FLRT1: variants seen among roughly 807,000 people sequenced by gnomAD.
FLRT1 encodes the protein leucine-rich repeat transmembrane protein FLRT1.
A neutral mutation model predicts 30.9 loss-of-function variants in FLRT1; 14 were observed. The observed-to-expected ratio is 0.45, with a 90% CI of 0.30 to 0.71. The LOEUF is 0.71. FLRT1 is among the 30% of genes least tolerant of loss of function. The pLI, the probability that FLRT1 is intolerant of heterozygous loss-of-function variation, is 0.08. For synonymous variants in FLRT1, 368 were observed against 430.4 expected, an observed-to-expected ratio of 0.85 and a Z score of 1.80; for missense variants, 737 against 949.2, an observed-to-expected ratio of 0.78 and a Z score of 2.94.
intron 1 of FLRT1, among the ~76,000 whole-genome samples, chr11:64,075,041 G>T (rs944524990): frequency 6.6e-6 from 1 of 152,254 alleles, no homozygotes; most frequent in Non-Finnish European, 1.5e-5. Flanking sequence ...AGCCACCTGT[G>T]TGCGGACAGG....
At chr11:64,089,127 C>T (rs1423994056) in intron 1 of FLRT1, among the ~76,000 whole-genome samples, 1 of 152,218 alleles carries the variant, frequency 6.6e-6, no homozygotes, top group Non-Finnish European at 1.5e-5. Flanking sequence ...GGCAGGAGCC[C>T]AGGAGCCCGC....
intron 1 of FLRT1, among the ~76,000 whole-genome samples, chr11:64,076,811 A>G (rs1181254956): frequency 1.3e-5 from 2 of 152,132 alleles, no homozygotes; most frequent in Non-Finnish European, 2.9e-5. Flanking sequence ...CGTCCCTCCT[A>G]CTGCGTGAGC....
At chr11:64,098,716 C>T (rs1014204661) in intron 1 of FLRT1, among the ~76,000 whole-genome samples, 5 of 152,192 alleles carry the variant, frequency 3.3e-5, no homozygotes, top group Non-Finnish European at 7.3e-5. Flanking sequence ...TCTCCTAGCT[C>T]GCACCAGCTC....
chr11:64,114,706 CATAG>C (rs531595719), intron 2 of FLRT1, among the ~76,000 whole-genome samples: 18 of 137,764 alleles, frequency 1.3e-4, no homozygotes, highest in Admixed American at 1.1e-3. Flanking sequence ...TGGACTGATA[CATAG>C]ATGGATGGAT....
intron 1 of FLRT1, among the ~76,000 whole-genome samples, chr11:64,080,226 T>C (rs1384888457): frequency 6.6e-6 from 1 of 152,180 alleles, no homozygotes. Flanking sequence ...TTGGCCAGGC[T>C]GGTCTCAAAC....
chr11:64,079,026 G>C (rs776140640), intron 1 of FLRT1, among the ~76,000 whole-genome samples: 13 of 151,466 alleles, frequency 8.6e-5, no homozygotes, highest in Non-Finnish European at 1.8e-4. Context: ...ATGGGACTGG[G>C]TTCCCAGGGG....
At chr11:64,044,245 C>T (rs1943543145) in intron 1 of FLRT1, among the ~76,000 whole-genome samples, 1 of 151,586 alleles carries the variant, frequency 6.6e-6, no homozygotes, top group Non-Finnish European at 1.5e-5. Flanking sequence ...GCAGTTCCCC[C>T]AACAACTTTT....
chr11:64,108,989 C>G (rs904960679), intron 2 of FLRT1, among the ~76,000 whole-genome samples: 3 of 152,072 alleles, frequency 2.0e-5, no homozygotes, highest in Non-Finnish European at 4.4e-5. Context: ...GTGGGGGAGA[C>G]GTGACCAGCA....
At chr11:64,110,077 C>T (rs1477451085) in intron 2 of FLRT1, among the ~76,000 whole-genome samples, 1 of 152,094 alleles carries the variant, frequency 6.6e-6, no homozygotes, top group Non-Finnish European at 1.5e-5. Flanking sequence ...TGTAAGTTCC[C>T]ATGTAAGGGC....
At chr11:64,083,651 G>C (rs768311362) in intron 1 of FLRT1, among the ~76,000 whole-genome samples, 1 of 152,258 alleles carries the variant, frequency 6.6e-6, no homozygotes, top group Non-Finnish European at 1.5e-5. Context: ...GCCGCAGTGA[G>C]ATGCCAACGC....
intron 2 of FLRT1, among the ~76,000 whole-genome samples, chr11:64,114,561 AT>A (rs1944939349): frequency 6.8e-6 from 1 of 146,870 alleles, no homozygotes; most frequent in Admixed American, 6.8e-5. Context: ...GGATGGATGG[AT>A]GGATGGATGG....
Position 64,082,731 on chromosome 11 carries a change from TGA to T in FLRT1, c.-1037-20459_-1037-20458del, listed in dbSNP as rs1944326311. Reference sequence around the variant, plus strand: ...ACACAAGGAATGTGGAGCATCCTCCTGAGAGGACTCAGAGGGGATTCCTGGGC... The same window carrying T: ...ACACAAGGAATGTGGAGCATCCTCCTGAGGACTCAGAGGGGATTCCTGGGC... On this transcript the variant is annotated intron_variant, in intron 1 of 2. Coordinates refer to ENST00000682287, the MANE Select transcript of FLRT1 (RefSeq NM_013280.5). This position sits in a 1 kb window ranked among gnomAD's most constrained non-coding sequence, Gnocchi z 4.5. Among the ~76,000 whole-genome samples, 1 of 152,148 alleles carries T rather than the reference TGA, an allele frequency of 6.6e-6. No homozygotes were observed. Among genetic ancestry groups the T allele is most frequent in the African/African-American group, 2.4e-5 (1 of 41,418 alleles).
At chr11:64,114,508 A>G (rs1408182196) in intron 2 of FLRT1, among the ~76,000 whole-genome samples, 149 of 104,850 alleles carry the variant, frequency 1.4e-3, no homozygotes, top group East Asian at 3.4e-3. Flanking sequence ...TGGATGGATG[A>G]ATGGATGGAT....
At position 64,082,853 on chromosome 11, in the gene FLRT1, A is replaced by T. The variant is rs1480368348; in HGVS notation, c.-1037-20341A>T. On this transcript the variant is annotated intron_variant, in intron 1 of 2. Transcript: ENST00000682287. This position sits in a 1 kb window ranked among gnomAD's most constrained non-coding sequence, Gnocchi z 4.5. ...ACGACCCACAGGGCACCAGACACCG[A>T]GGTAGGCAGGGCTGTGCCTGCTCCA... is the stretch of plus-strand genomic sequence containing the variant. The T allele has an allele frequency of 6.6e-6, 1 of 152,334 alleles. No homozygotes were observed. The highest frequency in any genetic ancestry group is 2.4e-5 in the African/African-American group (1 of 41,390). The allele number at this position is 152,334 out of a possible 1,614,324, so 9.4% of individuals were successfully genotyped here.
intron 2 of FLRT1, among the ~76,000 whole-genome samples, chr11:64,109,793 G>A (rs1054748764): frequency 6.6e-6 from 1 of 152,132 alleles, no homozygotes; most frequent in African/African-American, 2.4e-5. Context: ...GGGCAGGGTT[G>A]CACCCACACA....
chr11:64,068,609 C>T (rs1423807885), intron 1 of FLRT1, among the ~76,000 whole-genome samples: 1 of 152,234 alleles, frequency 6.6e-6, no homozygotes, highest in Non-Finnish European at 1.5e-5. Flanking sequence ...CAGGGAAGCC[C>T]AGGCAGAATA....
intron 1 of FLRT1, among the ~76,000 whole-genome samples, chr11:64,053,900 G>A (rs478294): frequency 0.15 from 22,241 of 152,148 alleles, 2,017 homozygotes; most frequent in Non-Finnish European, 0.2. Flanking sequence ...GGTTGCTTCC[G>A]TCATCCCCCC....
intron 1 of FLRT1, among the ~76,000 whole-genome samples, chr11:64,046,792 C>A (rs911389696): frequency 2.0e-5 from 3 of 152,198 alleles, no homozygotes; most frequent in African/African-American, 7.2e-5. Context: ...AGCCGCTGCG[C>A]CTGGCCTGGC....
intron 2 of FLRT1, among the ~76,000 whole-genome samples, chr11:64,110,503 T>C (rs1944842295): frequency 6.6e-6 from 1 of 151,168 alleles, no homozygotes; most frequent in Non-Finnish European, 1.5e-5. Flanking sequence ...GAGGCAGGAT[T>C]TGAACCCAGG....
Sources: allele counts gnomAD v4.1 joint callset (sites outside exome capture counted in the v4.1 genomes callset), GRCh38; gene constraint gnomAD v4.1.1; non-coding constraint Gnocchi (gnomAD v3.1); transcripts MANE v1.5; gene names NCBI Gene and HGNC (gene_info 2026-07-23, HGNC 2026-07-21).